AK5: variants seen among roughly 807,000 people sequenced by gnomAD.
The protein encoded by AK5 is adenylate kinase isoenzyme 5.
In AK5, 27 loss-of-function variants were observed where a neutral mutation model predicts 69.5. The ratio of observed to expected loss-of-function variants is 0.39; its 90% CI spans 0.29 to 0.54. The LOEUF (loss-of-function observed/expected upper bound fraction) is 0.54, where lower values mean the gene tolerates loss of function less well. Among genes scored for constraint, AK5 ranks in the 20% least tolerant of loss-of-function variants. The probability of loss-of-function intolerance (pLI) is 0.71; values close to 1 mark genes in which losing one functional copy is unlikely to be tolerated. For missense variants in AK5, 531 were observed against 700.4 expected (o/e 0.76, Z 2.73); for synonymous variants, 260 against 244.4 (o/e 1.06, Z -0.60).
At chr1:77,463,787 G>T (rs1227968774) in intron 8 of AK5, among the ~76,000 whole-genome samples, 1 of 152,090 alleles carries the variant, frequency 6.6e-6, no homozygotes. Flanking sequence ...AACTGGTACA[G>T]CCCCCAGCAG....
chr1:77,373,099 G>C (rs1366464208), intron 6 of AK5, among the ~76,000 whole-genome samples: 2 of 151,878 alleles, frequency 1.3e-5, no homozygotes, highest in Non-Finnish European at 2.9e-5. Flanking sequence ...TTATCCTCTT[G>C]ATACATATTG....
At chr1:77,298,426 C>T (rs4949789) in intron 5 of AK5, among the ~76,000 whole-genome samples, 86,594 of 151,514 alleles carry the variant, frequency 0.57, 25,189 homozygotes, top group Admixed American at 0.68. Context: ...CCCAATACAT[C>T]TGTTTTAAAG....
chr1:77,417,730 AAAATAGTTCTCTATTT>A lies in AK5; in HGVS notation c.1059+20_1059+35del. On this transcript the variant is annotated intron_variant, in intron 8 of 13. Coordinates refer to ENST00000354567, the MANE Select transcript of AK5 (RefSeq NM_174858.3). Reference sequence around the variant, plus strand: ...ATGAAGATCAGGTAATTAAAATCTGAAAATAGTTCTCTATTTAAATGTTTTTAAGTTGAACCTTTGT... The same window carrying A: ...ATGAAGATCAGGTAATTAAAATCTGAAAATGTTTTTAAGTTGAACCTTTGT... 1 of 1,479,142 alleles carries A rather than the reference AAAATAGTTCTCTATTT, an allele frequency of 6.8e-7. No individual in the cohort carries two copies. Among genetic ancestry groups the A allele is most frequent in the Non-Finnish European group, 9.4e-7 (1 of 1,065,446 alleles). 91.6% of individuals were successfully genotyped at this position (1,479,142 alleles called of 1,614,324 possible).
chr1:77,499,202 C>T (rs1019673780), intron 10 of AK5, among the ~76,000 whole-genome samples: 1 of 152,200 alleles, frequency 6.6e-6, no homozygotes, highest in African/African-American at 2.4e-5. Context: ...CTCCAGGCTC[C>T]TCTGAACCAG....
intron 5 of AK5, among the ~76,000 whole-genome samples, chr1:77,304,120 C>T (rs1194020479): frequency 1.3e-5 from 2 of 151,998 alleles, no homozygotes; most frequent in African/African-American, 4.8e-5. Flanking sequence ...ATTTTTTGTA[C>T]CCATTAACCA....
At chr1:77,548,362 T>C (rs1017007966) in intron 13 of AK5, among the ~76,000 whole-genome samples, 1 of 152,174 alleles carries the variant, frequency 6.6e-6, no homozygotes, top group African/African-American at 2.4e-5. Context: ...ACCCCAACTT[T>C]TGAAAACTGC....
At chr1:77,363,529 A>T (rs916555980) in intron 6 of AK5, among the ~76,000 whole-genome samples, 2 of 152,170 alleles carry the variant, frequency 1.3e-5, no homozygotes, top group Non-Finnish European at 2.9e-5. Context: ...TCTCACTCAG[A>T]ATTAAATCCA....
At chr1:77,407,308 A>G (rs1016445995) in intron 6 of AK5, among the ~76,000 whole-genome samples, 9 of 152,210 alleles carry the variant, frequency 5.9e-5, no homozygotes, top group Non-Finnish European at 1.2e-4. Flanking sequence ...ACACAATGGA[A>G]TACTAATGAA....
At chr1:77,458,151 G>A (rs1221307806) in intron 8 of AK5, among the ~76,000 whole-genome samples, 3 of 151,202 alleles carry the variant, frequency 2.0e-5, no homozygotes, top group Non-Finnish European at 4.4e-5. Flanking sequence ...GTCAGGGGTG[G>A]TTCCTTCTGG....
intron 5 of AK5, among the ~76,000 whole-genome samples, chr1:77,315,921 G>A (rs924721393): frequency 2.0e-5 from 3 of 152,140 alleles, no homozygotes; most frequent in African/African-American, 7.2e-5. Flanking sequence ...CAAACTCTCA[G>A]CAATCTTGTG....
chr1:77,389,583 A>G (rs1352768440), intron 6 of AK5, among the ~76,000 whole-genome samples: 2 of 152,338 alleles, frequency 1.3e-5, no homozygotes, highest in African/African-American at 4.8e-5. Context: ...TGATAGTGTG[A>G]TTAATAGGAA....
chr1:77,343,199 T>C (rs566136665), intron 6 of AK5, among the ~76,000 whole-genome samples: 1 of 152,320 alleles, frequency 6.6e-6, no homozygotes, highest in South Asian at 2.1e-4. Context: ...TGGGATTCCC[T>C]GTGGTGAATA....
At chr1:77,380,272 G>A (rs1204521863) in intron 6 of AK5, among the ~76,000 whole-genome samples, 3 of 152,278 alleles carry the variant, frequency 2.0e-5, no homozygotes, top group South Asian at 2.1e-4. Context: ...AATAGCTCAC[G>A]TTTATCAAGC....
chr1:77,524,686 A>T (rs986335549), intron 12 of AK5, among the ~76,000 whole-genome samples: 1 of 152,122 alleles, frequency 6.6e-6, no homozygotes, highest in Admixed American at 6.5e-5. Flanking sequence ...CTTTCATTTG[A>T]TAGGCTGTCT....
chr1:77,403,473 A>G (rs1230804074), intron 6 of AK5, among the ~76,000 whole-genome samples: 3 of 152,044 alleles, frequency 2.0e-5, no homozygotes, highest in Non-Finnish European at 2.9e-5. Context: ...TAATTTTTGT[A>G]TAAGGTGTAA....
chr1:77,461,542 TG>T (rs1225069444), intron 8 of AK5, among the ~76,000 whole-genome samples: 1 of 151,236 alleles, frequency 6.6e-6, no homozygotes, highest in Non-Finnish European at 1.5e-5. Flanking sequence ...GAGGCCTAGG[TG>T]GGCAGATCAC....
chr1:77,504,213 CT>C (rs1656896975), intron 10 of AK5, among the ~76,000 whole-genome samples: 1 of 152,154 alleles, frequency 6.6e-6, no homozygotes, highest in East Asian at 1.9e-4. Flanking sequence ...TTATTTCCCC[CT>C]AAGTCATGTC....
intron 5 of AK5, among the ~76,000 whole-genome samples, chr1:77,299,361 A>G (rs17098226): frequency 0.05 from 7,616 of 151,678 alleles, 235 homozygotes; most frequent in South Asian, 0.094. Context: ...TTAACATATT[A>G]CAGATATCGT....
intron 10 of AK5, among the ~76,000 whole-genome samples, chr1:77,513,962 A>G (rs1362246793): frequency 6.6e-6 from 1 of 152,198 alleles, no homozygotes; most frequent in African/African-American, 2.4e-5. Flanking sequence ...AGGCAGACTT[A>G]GACTCCCTGG....
Sources: gnomAD v4.1 joint callset for allele counts (sites outside exome capture counted in the v4.1 genomes callset) on GRCh38, gnomAD v4.1.1 for gene constraint, MANE v1.5 for transcripts, NCBI Gene and HGNC (gene_info 2026-07-23, HGNC 2026-07-21) for gene names.